DMXL2: variants seen among roughly 807,000 people sequenced by gnomAD.
DMXL2 encodes the protein dmX-like protein 2.
In DMXL2, 103 loss-of-function variants were observed where a neutral mutation model predicts 331.1. That is an observed-to-expected ratio of 0.31 (90% CI 0.27 to 0.37). The LOEUF (loss-of-function observed/expected upper bound fraction) is 0.37, where lower values mean the gene tolerates loss of function less well. DMXL2 is among the 10% of genes least tolerant of loss of function. DMXL2 has a pLI of 1.00. For missense variants in DMXL2, 3,171 were observed against 3,642.9 expected (o/e 0.87, Z 3.33); for synonymous variants, 1,281 against 1,252.1 (o/e 1.02, Z -0.49).
chr15:51,464,564 A>C, intron 32 of DMXL2, 111 bp downstream of exon 32: 133 of 771,844 alleles, frequency 1.7e-4, no homozygotes, highest in Middle Eastern at 3.9e-4. Flanking sequence ...TAAAAATAGG[A>C]CTGCAGGTTC....
intron 1 of DMXL2, among the ~76,000 whole-genome samples, chr15:51,590,759 T>G (rs944782140): frequency 6.6e-6 from 1 of 152,148 alleles, no homozygotes; most frequent in Non-Finnish European, 1.5e-5. Context: ...TCAACAAATG[T>G]CTGTTGAGCA....
At chr15:51,527,648 G>A (rs886954786) in intron 13 of DMXL2, among the ~76,000 whole-genome samples, 5 of 151,976 alleles carry the variant, frequency 3.3e-5, no homozygotes, top group African/African-American at 1.2e-4. Flanking sequence ...CTTGCACCCA[G>A]GAGGCAGAGG....
In DMXL2 at chr15:51,499,726, T is replaced by G; in HGVS notation, c.3498A>C (p.Lys1166Asn). 6.2e-7 allele frequency: 1 copy of G among 1,614,144 alleles called. No individual in the cohort carries two copies. The highest frequency in any genetic ancestry group is 8.5e-7 in the Non-Finnish European group (1 of 1,180,020). The change falls in exon 18 of 44, where the codon AAA becomes AAC. Residue 1166 changes from lysine to asparagine, a missense_variant. Coordinates refer to ENST00000560891, the MANE Select transcript of DMXL2 (RefSeq NM_001378457.1). Reference sequence around the variant, plus strand: ...ATACCCAGTCCAAATGTACTAAATGTTTGATATTCGGAATAAGATATCTAT... The same window carrying G: ...ATACCCAGTCCAAATGTACTAAATGGTTGATATTCGGAATAAGATATCTAT... ...SKDRYLIPNI[K>N]HLVHLDWVSK...
intron 1 of DMXL2, among the ~76,000 whole-genome samples, chr15:51,601,464 G>T (rs950257675): frequency 6.6e-6 from 1 of 152,030 alleles, no homozygotes; most frequent in South Asian, 2.1e-4. Context: ...GTGAGATAGG[G>T]ACCAAGTCTT....
At chr15:51,551,155 C>T (rs932420396) in intron 6 of DMXL2, among the ~76,000 whole-genome samples, 29 of 150,808 alleles carry the variant, frequency 1.9e-4, no homozygotes, top group African/African-American at 6.8e-4. Flanking sequence ...ACTTTCTGTT[C>T]TTTTTATCAG....
chr15:51,536,052 T>C (rs1469476745), intron 12 of DMXL2, 114 bp downstream of exon 12: 18 of 1,040,076 alleles, frequency 1.7e-5, no homozygotes, highest in Non-Finnish European at 2.4e-5. Context: ...ATCACCTTAA[T>C]GAAAACTGAA....
intron 1 of DMXL2, among the ~76,000 whole-genome samples, chr15:51,611,693 G>C (rs1207081467): frequency 6.6e-6 from 1 of 152,148 alleles, no homozygotes. Flanking sequence ...AAAAGTATTA[G>C]TATCCCCATC....
At chr15:51,470,128 C>G (rs1432281025) in intron 29 of DMXL2, among the ~76,000 whole-genome samples, 6 of 152,184 alleles carry the variant, frequency 3.9e-5, no homozygotes, top group Non-Finnish European at 7.3e-5. Flanking sequence ...TTGAGAACCA[C>G]TGACGTAACC....
intron 13 of DMXL2, among the ~76,000 whole-genome samples, chr15:51,531,878 G>A (rs1266527881): frequency 1.3e-5 from 2 of 152,150 alleles, no homozygotes; most frequent in Non-Finnish European, 2.9e-5. Flanking sequence ...AATAACAAAT[G>A]TTGGCATAGA....
chr15:51,538,239 C>T lies in DMXL2; in HGVS notation c.1319G>A (p.Arg440Gln), dbSNP rs772325656. Residue 440 changes from arginine to glutamine, a missense_variant, in exon 10 of 44, where the codon CGG becomes CAG. By Grantham distance (43) the Arg-to-Gln change is conservative. This residue lies in a region of DMXL2 where 1,674 missense variants were observed against 1,780.2 expected (regional missense o/e 0.94). Transcript: ENST00000560891. ...DEEHSQEDRE[R>Q]GLHMKLDHDL... ...ATGGTCTAATTTCATATGTAAACCC[C>T]GTTCTCTATCCTCCTGTGAATGTTC... The T allele has an allele frequency of 6.8e-5, 110 of 1,613,178 alleles. No individual in the cohort carries two copies. Among genetic ancestry groups the T allele is most frequent in the Non-Finnish European group, 8.5e-5 (100 of 1,179,510 alleles).
intron 1 of DMXL2, among the ~76,000 whole-genome samples, chr15:51,618,573 G>A (rs1201775335): frequency 6.6e-6 from 1 of 151,972 alleles, no homozygotes; most frequent in African/African-American, 2.4e-5. Flanking sequence ...AAAATTGAAT[G>A]TCAGAATACC....
At chr15:51,543,154 T>G (rs767780481) in intron 8 of DMXL2, among the ~76,000 whole-genome samples, 9 of 152,168 alleles carry the variant, frequency 5.9e-5, no homozygotes, top group Admixed American at 2.6e-4. Flanking sequence ...GTGGACTATT[T>G]TAGTCATGGG....
chr15:51,522,410 C>T (rs540389975), intron 13 of DMXL2, among the ~76,000 whole-genome samples: 6 of 152,142 alleles, frequency 3.9e-5, no homozygotes, highest in African/African-American at 1.2e-4. Context: ...CTTGGGAGGC[C>T]GAGGCGGCTG....
chr15:51,522,652 T>A (rs2047443267), intron 13 of DMXL2, among the ~76,000 whole-genome samples: 1 of 151,868 alleles, frequency 6.6e-6, no homozygotes, highest in Non-Finnish European at 1.5e-5. Context: ...CTCAAAAAAA[T>A]AAAAACATAA....
intron 6 of DMXL2, among the ~76,000 whole-genome samples, chr15:51,560,531 A>C (rs1435055568): frequency 8.1e-6 from 1 of 123,446 alleles, no homozygotes; most frequent in East Asian, 2.2e-4. Context: ...AAAAAAAAAA[A>C]CTAGCCAGAT....
At chr15:51,466,093 G>A in intron 30 of DMXL2, 91 bp downstream of exon 30, 2 of 1,053,952 alleles carry the variant, frequency 1.9e-6, no homozygotes, top group Non-Finnish European at 2.7e-6. Flanking sequence ...ATAAATTCAG[G>A]ATAATAATGT....
At chr15:51,449,863 T>A (rs2038980899) in intron 43 of DMXL2, among the ~76,000 whole-genome samples, 1 of 152,100 alleles carries the variant, frequency 6.6e-6, no homozygotes, top group Non-Finnish European at 1.5e-5. Flanking sequence ...TTTCATGCAT[T>A]AAACTCATAC....
intron 23 of DMXL2, among the ~76,000 whole-genome samples, chr15:51,484,037 C>G (rs951310903): frequency 5.3e-5 from 8 of 151,854 alleles, no homozygotes; most frequent in African/African-American, 1.9e-4. Context: ...GCTGAGCAGC[C>G]CTGCACCTGC....
At chr15:51,512,219 C>G (rs565460018) in intron 15 of DMXL2, among the ~76,000 whole-genome samples, 18 of 152,114 alleles carry the variant, frequency 1.2e-4, no homozygotes, top group Non-Finnish European at 2.2e-4. Context: ...TAAACTTGCT[C>G]TAAAACAAGT....
Sources: gnomAD v4.1 joint callset for allele counts (sites outside exome capture counted in the v4.1 genomes callset) on GRCh38, gnomAD v4.1.1 for gene constraint, gnomAD v4.1.1 regional missense constraint, MANE v1.5 for transcripts, NCBI Gene and HGNC (gene_info 2026-07-23, HGNC 2026-07-21) for gene names.